VPS45: variants seen among roughly 807,000 people sequenced by gnomAD.
VPS45 encodes vacuolar protein sorting 45 homolog.
In VPS45, 35 loss-of-function variants were observed where a neutral mutation model predicts 75.9. The ratio of observed to expected loss-of-function variants is 0.46; its 90% CI spans 0.35 to 0.61. The LOEUF (loss-of-function observed/expected upper bound fraction) is 0.61. Ranked by LOEUF, VPS45 falls within the 20% of genes least tolerant of loss-of-function variation. VPS45 has a pLI of 0.00. For missense variants in VPS45, 559 were observed against 685.9 expected, an observed-to-expected ratio of 0.81 and a Z score of 2.07; for synonymous variants, 220 against 238.2, an observed-to-expected ratio of 0.92 and a Z score of 0.70.
chr1:150,096,426 C>T (rs1656660057), intron 13 of VPS45, among the ~76,000 whole-genome samples: 1 of 152,110 alleles, frequency 6.6e-6, no homozygotes, highest in African/African-American at 2.4e-5. Context: ...TTCAAGATTT[C>T]ATAGGGGGTT....
At chr1:150,133,617 G>A (rs782642024) in intron 14 of VPS45, among the ~76,000 whole-genome samples, 1 of 152,134 alleles carries the variant, frequency 6.6e-6, no homozygotes, top group Non-Finnish European at 1.5e-5. Flanking sequence ...TGGGCTATTT[G>A]GGGCTTCGTT....
At chr1:150,076,782 T>C (rs1342425814) in intron 4 of VPS45, 134 bp from the exon 5 acceptor site, 6 of 860,046 alleles carry the variant, frequency 7.0e-6, no homozygotes, top group East Asian at 2.5e-5. Context: ...CAATTATTAA[T>C]TGAACAATTT....
Position 150,143,964 on chromosome 1 carries a change from G to A in VPS45, c.1626-745G>A, listed in dbSNP as rs144309672. Among the ~76,000 whole-genome samples the A allele has an allele frequency of 5.7e-3, 863 of 152,162 alleles. 7 individuals are homozygous for A. The highest frequency in any genetic ancestry group is 0.027 in the Middle Eastern group (8 of 294). On this transcript the variant is annotated intron_variant, in intron 14 of 14. Transcript: ENST00000644510. ...TATATACACACACATGGCTTTAAAC[G>A]GTGCTCAGAACAAAATGAATATAAG...
chr1:150,073,139 G>A (rs897944105), intron 3 of VPS45, among the ~76,000 whole-genome samples: 22 of 152,076 alleles, frequency 1.4e-4, no homozygotes, highest in African/African-American at 4.8e-4. Context: ...ACATTCGGCT[G>A]TAGAAGTTAC....
chr1:150,093,636 C>T lies in VPS45; in HGVS notation c.1481C>T (p.Thr494Ile), dbSNP rs1656465946. The change falls in exon 13 of 15, where the codon ACA (threonine) becomes ATA (isoleucine). Residue 494 changes from threonine to isoleucine, a missense_variant. Coordinates refer to ENST00000644510, the MANE Select transcript of VPS45 (RefSeq NM_007259.5). ...ENLYPYLGPS[T>I]LRDRPQDIIV... is the part of the protein sequence containing the mutation. ...CTATATCCTTATTTAGGCCCCAGCA[C>T]ACTCAGAGACAGGTAAGCTAACAAA... The T allele has an allele frequency of 6.2e-7, 1 of 1,607,870 alleles. No individual in the cohort carries two copies. Among genetic ancestry groups the T allele is most frequent in the Non-Finnish European group, 8.5e-7 (1 of 1,178,182 alleles).
intron 13 of VPS45, among the ~76,000 whole-genome samples, chr1:150,102,068 C>T (rs1188222267): frequency 2.7e-5 from 2 of 73,180 alleles, no homozygotes; most frequent in African/African-American, 1.2e-4. Flanking sequence ...GAAACCTCGT[C>T]TCTACTAAAA....
chr1:150,101,312 C>T (rs1656973962), intron 13 of VPS45, among the ~76,000 whole-genome samples: 3 of 150,632 alleles, frequency 2.0e-5, no homozygotes, highest in Admixed American at 1.3e-4. Flanking sequence ...AGCTACTTCT[C>T]AAAAGAAGAC....
chr1:150,137,046 A>G (rs1659146105), intron 14 of VPS45, among the ~76,000 whole-genome samples: 1 of 152,132 alleles, frequency 6.6e-6, no homozygotes, highest in African/African-American at 2.4e-5. Context: ...CCACAGGTGC[A>G]TGCTACCACA....
intron 3 of VPS45, among the ~76,000 whole-genome samples, chr1:150,075,092 T>C (rs1479864130): frequency 7.0e-6 from 1 of 143,748 alleles, no homozygotes. Flanking sequence ...CTTGAACTCT[T>C]AGTACCATTT....
chr1:150,106,802 T>C (rs1261955773), intron 13 of VPS45, among the ~76,000 whole-genome samples: 1 of 152,212 alleles, frequency 6.6e-6, no homozygotes, highest in Non-Finnish European at 1.5e-5. Flanking sequence ...GCCAAGCTTT[T>C]TGGATAAAGA....
intron 13 of VPS45, among the ~76,000 whole-genome samples, chr1:150,102,513 C>G (rs1453942660): frequency 6.8e-6 from 1 of 147,344 alleles, no homozygotes; most frequent in Non-Finnish European, 1.5e-5. Context: ...TGTGCCCTTG[C>G]ATTCCAGCCT....
intron 13 of VPS45, among the ~76,000 whole-genome samples, chr1:150,108,844 G>C (rs75165937): frequency 6.6e-6 from 1 of 152,148 alleles, no homozygotes; most frequent in Non-Finnish European, 1.5e-5. Context: ...AGAGGAGGCA[G>C]AACTCAGGCC....
At chr1:150,108,357 T>C (rs782542100) in intron 13 of VPS45, among the ~76,000 whole-genome samples, 1 of 152,218 alleles carries the variant, frequency 6.6e-6, no homozygotes, top group Non-Finnish European at 1.5e-5. Context: ...CACTTGTCAG[T>C]GTAGCTGTTG....
At chr1:150,080,149 GT>G (rs869177411) in intron 7 of VPS45, among the ~76,000 whole-genome samples, 9 of 145,384 alleles carry the variant, frequency 6.2e-5, no homozygotes, top group Admixed American at 1.4e-4. Flanking sequence ...TTTGTTGTAC[GT>G]TTTTTTTTTT....
At chr1:150,098,709 A>C in intron 13 of VPS45, 1 of 284,520 alleles carries the variant, frequency 3.5e-6, no homozygotes, top group Non-Finnish European at 5.7e-6. Context: ...CACTGGTGGA[A>C]ATTTTTTTAG....
intron 14 of VPS45, among the ~76,000 whole-genome samples, chr1:150,131,088 G>T (rs1658807644): frequency 6.6e-6 from 1 of 152,122 alleles, no homozygotes; most frequent in African/African-American, 2.4e-5. Flanking sequence ...TTTTTAAGAT[G>T]CAAAATTACT....
intron 14 of VPS45, among the ~76,000 whole-genome samples, chr1:150,123,304 A>G (rs587670496): frequency 1.3e-5 from 2 of 152,246 alleles, no homozygotes; most frequent in African/African-American, 4.8e-5. Context: ...TCCTTTGGCT[A>G]TTATAAGTAA....
At chr1:150,088,434 A>AATATATATATATATATATATATATAT (rs200780573) in intron 10 of VPS45, among the ~76,000 whole-genome samples, 46 of 125,492 alleles carry the variant, frequency 3.7e-4, no homozygotes, top group African/African-American at 1.3e-3. Flanking sequence ...CTGAATAATA[A>AATATATATATATATATATATATATAT]ATATATATAT....
intron 13 of VPS45, among the ~76,000 whole-genome samples, chr1:150,095,775 G>A (rs1161087922): frequency 1.3e-5 from 2 of 152,098 alleles, no homozygotes; most frequent in Non-Finnish European, 2.9e-5. Context: ...GGAAATAAGA[G>A]GTTGAAAGAT....
Sources: gnomAD v4.1 joint callset for allele counts (sites outside exome capture counted in the v4.1 genomes callset) on GRCh38, gnomAD v4.1.1 for gene constraint, MANE v1.5 for transcripts, NCBI Gene and HGNC (gene_info 2026-07-23, HGNC 2026-07-21) for gene names.